The following NDUFAF6 variants were observed in gnomAD, a reference collection of about 807,000 sequenced individuals.
NDUFAF6 encodes the protein NADH dehydrogenase (ubiquinone) complex I, assembly factor 6.
Under a neutral mutation model 40.8 loss-of-function variants are expected in NDUFAF6, and 45 were observed. The observed-to-expected ratio is 1.10, with a 90% CI of 0.87 to 1.42. The LOEUF (loss-of-function observed/expected upper bound fraction) is 1.42. NDUFAF6 is among the 40% of genes most tolerant of loss of function. The pLI is 0.00. For synonymous variants in NDUFAF6, 185 were observed against 155.9 expected (o/e 1.19, Z -1.39); for missense variants, 435 against 418.5 (o/e 1.04, Z -0.34).
At chr8:94,906,371 G>A (rs775706701) in intron 1 of NDUFAF6, among the ~76,000 whole-genome samples, 2 of 152,160 alleles carry the variant, frequency 1.3e-5, no homozygotes, top group Non-Finnish European at 2.9e-5. Flanking sequence ...TGTGGTAGCT[G>A]TTGTTTGTGG....
rs1009639980 is a variant in NDUFAF6, at chr8:95,036,610, A to G, written c.420+1034A>G. The G allele has an allele frequency of 8.4e-6, 7 of 838,316 alleles. No individual in the cohort carries two copies. The Admixed American group carries it at 1.8e-4, about 22-fold the overall frequency. 51.9% of individuals were successfully genotyped at this position (838,316 alleles called of 1,614,324 possible). ...AAACCCTTTCTATTTATTACTTTAC[A>G]CCTAAATCGGAGTATAGTGGAGGTG... On this transcript the variant is annotated intron_variant, in intron 3 of 8. Transcript: ENST00000396124.
chr8:95,005,939 C>G (rs1376675286), intron 2 of NDUFAF6, among the ~76,000 whole-genome samples: 2 of 152,198 alleles, frequency 1.3e-5, no homozygotes, highest in African/African-American at 4.8e-5. Flanking sequence ...GAAGAACTTC[C>G]CTTTCAAGAT....
chr8:94,986,040 A>G (rs1825878481), intron 2 of NDUFAF6, among the ~76,000 whole-genome samples: 1 of 151,552 alleles, frequency 6.6e-6, no homozygotes, highest in African/African-American at 2.4e-5. Flanking sequence ...TGCCCGGCTA[A>G]TTTTTCATGT....
chr8:94,976,440 T>C (rs1293766080), intron 1 of NDUFAF6, among the ~76,000 whole-genome samples: 11 of 145,436 alleles, frequency 7.6e-5, no homozygotes, highest in Non-Finnish European at 1.6e-4. Flanking sequence ...GAGGTGGAGG[T>C]TGCAGTGAGC....
intron 1 of NDUFAF6, among the ~76,000 whole-genome samples, chr8:94,931,318 A>C (rs558669451): frequency 1.2e-4 from 18 of 152,276 alleles, no homozygotes; most frequent in Admixed American, 5.2e-4. Flanking sequence ...TAATAGAATA[A>C]ATCTCTTAAG....
At chr8:95,037,164 T>C (rs1563813298) in intron 3 of NDUFAF6, among the ~76,000 whole-genome samples, 1 of 152,262 alleles carries the variant, frequency 6.6e-6, no homozygotes, top group Non-Finnish European at 1.5e-5. Context: ...GAATTTTAGC[T>C]GCAGTTTGAA....
intron 1 of NDUFAF6, among the ~76,000 whole-genome samples, chr8:94,918,330 G>A (rs1272130887): frequency 6.6e-6 from 1 of 152,154 alleles, no homozygotes; most frequent in African/African-American, 2.4e-5. Context: ...GTTTCCAGAG[G>A]TGATAGTGCA....
intron 2 of NDUFAF6, chr8:94,981,037 A>C (rs182189066): frequency 4.4e-6 from 2 of 453,808 alleles, no homozygotes; most frequent in Non-Finnish European, 8.9e-6. Flanking sequence ...CCCCCACCCC[A>C]GTATTACCAT....
chr8:95,108,015 A>G (rs763782290), downstream of NDUFAF6, among the ~76,000 whole-genome samples: 1 of 152,206 alleles, frequency 6.6e-6, no homozygotes, highest in Non-Finnish European at 1.5e-5. Context: ...CTTCACACCC[A>G]TTAGGATGGC....
At chr8:95,069,582 C>T (rs536401561) in intron 9 of NDUFAF6, among the ~76,000 whole-genome samples, 24 of 151,290 alleles carry the variant, frequency 1.6e-4, no homozygotes, top group African/African-American at 5.4e-4. Context: ...GAGTTCAAGA[C>T]CAGCCTGGTC....
At position 94,921,373 on chromosome 8, in the gene NDUFAF6, A is replaced by G. The variant is rs557850429; in HGVS notation, c.-935-24110A>G. On this transcript the variant is annotated intron_variant, in intron 1 of 14. Transcript: ENST00000396113. ...CTAGCTTTGACTGGGGCATAGTCCT[A>G]TCCTTGAGCTATCCTTGGCCAGGGG... Among the ~76,000 whole-genome samples the G allele has an allele frequency of 3.0e-4, 46 of 152,302 alleles. No homozygotes were observed. In the East Asian group the frequency reaches 7.7e-3, roughly 26 times the overall value.
At chr8:95,096,509 G>C (rs1389356151), upstream of NDUFAF6, among the ~76,000 whole-genome samples, 1 of 152,170 alleles carries the variant, frequency 6.6e-6, no homozygotes, top group Non-Finnish European at 1.5e-5. Context: ...AGAAACAATA[G>C]CTGATGAAAG....
intron 1 of NDUFAF6, among the ~76,000 whole-genome samples, chr8:94,897,706 C>CCT (rs1817736183): frequency 7.6e-6 from 1 of 131,960 alleles, no homozygotes; most frequent in Admixed American, 7.9e-5. Context: ...TATTCTGTGC[C>CCT]TTTTTTTTTT....
intron 1 of NDUFAF6, chr8:94,896,792 C>T (rs1363081649): frequency 6.6e-6 from 1 of 152,232 alleles, no homozygotes; most frequent in African/African-American, 2.4e-5. Flanking sequence ...ATAGCCGCCG[C>T]CGGATGGGCG....
At chr8:95,096,539 G>T (rs1198062577), upstream of NDUFAF6, among the ~76,000 whole-genome samples, 1 of 152,152 alleles carries the variant, frequency 6.6e-6, no homozygotes, top group Admixed American at 6.5e-5. Context: ...ATATTATTGA[G>T]CACTCCCTGT....
At chr8:95,087,176 A>G (rs1809078581) in intron 2 of NDUFAF6, among the ~76,000 whole-genome samples, 1 of 152,144 alleles carries the variant, frequency 6.6e-6, no homozygotes, top group African/African-American at 2.4e-5. Context: ...CTCATTCTTA[A>G]AGAGTAGCCA....
intron 2 of NDUFAF6, among the ~76,000 whole-genome samples, chr8:94,991,408 G>A (rs974227731): frequency 2.6e-5 from 4 of 152,182 alleles, no homozygotes. Flanking sequence ...GGCAGAGGTA[G>A]GCTAGAATCA....
intron 1 of NDUFAF6, among the ~76,000 whole-genome samples, chr8:94,897,147 G>A (rs952753695): frequency 8.5e-5 from 13 of 152,308 alleles, no homozygotes; most frequent in African/African-American, 3.1e-4. Context: ...GGTTGAATTT[G>A]ATAAAATATA....
At chr8:95,021,076 C>G (rs1301930752), upstream of NDUFAF6, among the ~76,000 whole-genome samples, 5 of 152,194 alleles carry the variant, frequency 3.3e-5, no homozygotes, top group African/African-American at 1.2e-4. Flanking sequence ...TTGAATCACA[C>G]CATTTTTGTT....
Sources: allele counts gnomAD v4.1 joint callset (sites outside exome capture counted in the v4.1 genomes callset), GRCh38; gene constraint gnomAD v4.1.1; transcripts MANE v1.5; gene names NCBI Gene and HGNC (gene_info 2026-07-23, HGNC 2026-07-21).